Variants in PBX3 observed in about 807,000 individuals in gnomAD.
PBX3 encodes pre-B-cell leukemia transcription factor 3.
Under a neutral mutation model 48.5 loss-of-function variants are expected in PBX3, and 14 were observed. That is an observed-to-expected ratio of 0.29 (90% CI 0.19 to 0.45). The LOEUF is 0.45. Among genes scored for constraint, PBX3 ranks in the 20% least tolerant of loss-of-function variants. The pLI is 1.00. For missense variants in PBX3, 386 were observed against 546.7 expected (o/e 0.71, Z 2.93); for synonymous variants, 210 against 200.3 (o/e 1.05, Z -0.41).
intron 2 of PBX3, among the ~76,000 whole-genome samples, chr9:125,883,173 T>C (rs570767522): frequency 2.0e-5 from 3 of 152,370 alleles, no homozygotes; most frequent in East Asian, 1.9e-4. Flanking sequence ...AAATGAATTC[T>C]AGTGTTTTAA....
chr9:125,936,712 C>T (rs538166895), intron 5 of PBX3, among the ~76,000 whole-genome samples: 65 of 152,196 alleles, frequency 4.3e-4, no homozygotes, highest in Non-Finnish European at 7.2e-4. Context: ...TGATTCATAA[C>T]TAAGGTTTCA....
chr9:125,792,829 G>C (rs933640517), intron 2 of PBX3, among the ~76,000 whole-genome samples: 9 of 151,294 alleles, frequency 5.9e-5, no homozygotes, highest in Admixed American at 5.3e-4. Context: ...CTCCCGAGTA[G>C]CTGGGACTAC....
At chr9:125,846,806 C>T (rs1277221131) in intron 2 of PBX3, among the ~76,000 whole-genome samples, 1 of 151,824 alleles carries the variant, frequency 6.6e-6, no homozygotes. Context: ...ATCATATATC[C>T]AAATTGTTTG....
In PBX3 at chr9:125,935,622, A is replaced by C. The variant is rs753860844; in HGVS notation, c.843+15A>C. The stretch of plus-strand genomic sequence containing the variant: ...CAGTGTCACAGGTGAGAAAGGACCC[A>C]TGGGTCTGTCTTGTTCCCTGTGGAG... On this transcript the variant is annotated intron_variant, in intron 5 of 8. Transcript: ENST00000373489. 6 of 1,613,358 alleles carry C rather than the reference A, an allele frequency of 3.7e-6. No homozygotes were observed. Among genetic ancestry groups the C allele is most frequent in the Admixed American group, 3.3e-5 (2 of 59,912 alleles).
intron 2 of PBX3, among the ~76,000 whole-genome samples, chr9:125,832,865 A>G (rs1329204026): frequency 6.6e-6 from 1 of 152,118 alleles, no homozygotes; most frequent in African/African-American, 2.4e-5. Flanking sequence ...GGCCACACCT[A>G]TCTATAATTC....
intron 2 of PBX3, among the ~76,000 whole-genome samples, chr9:125,909,743 C>T (rs1841159922): frequency 2.6e-5 from 4 of 152,116 alleles, no homozygotes; most frequent in African/African-American, 9.7e-5. Flanking sequence ...TGGTTTTCCT[C>T]TTCTCATTTA....
intron 2 of PBX3, among the ~76,000 whole-genome samples, chr9:125,848,024 A>T (rs971259946): frequency 2.6e-5 from 4 of 152,026 alleles, no homozygotes; most frequent in African/African-American, 9.7e-5. Flanking sequence ...ACCTAGAGTC[A>T]TTGCTAGGTC....
At chr9:125,894,900 G>T (rs1840735183) in intron 2 of PBX3, among the ~76,000 whole-genome samples, 1 of 152,064 alleles carries the variant, frequency 6.6e-6, no homozygotes, top group South Asian at 2.1e-4. Context: ...TGTGAAAATG[G>T]ACTTTGCTAG....
chr9:125,819,332 G>C (rs10986951), intron 2 of PBX3, among the ~76,000 whole-genome samples: 3,027 of 151,914 alleles, frequency 0.02, 168 homozygotes, highest in East Asian at 0.17. Flanking sequence ...AGTGAGACCA[G>C]CCTGACCAAC....
intron 2 of PBX3, among the ~76,000 whole-genome samples, chr9:125,913,138 T>C (rs759040451): frequency 1.7e-4 from 26 of 152,148 alleles, no homozygotes; most frequent in Non-Finnish European, 3.5e-4. Context: ...CCTTTATTAT[T>C]GATAGTCTTC....
At chr9:125,865,068 A>G (rs1252104437) in intron 2 of PBX3, among the ~76,000 whole-genome samples, 3 of 152,242 alleles carry the variant, frequency 2.0e-5, no homozygotes, top group African/African-American at 4.8e-5. Context: ...CTTCCTATGT[A>G]TTCATCCACA....
intron 2 of PBX3, among the ~76,000 whole-genome samples, chr9:125,847,520 G>A (rs1192863523): frequency 6.6e-6 from 1 of 151,922 alleles, no homozygotes; most frequent in Non-Finnish European, 1.5e-5. Context: ...TAGTAAAATA[G>A]TAGTAGTAAA....
At chr9:125,904,803 A>G (rs1841032141) in intron 2 of PBX3, among the ~76,000 whole-genome samples, 1 of 151,896 alleles carries the variant, frequency 6.6e-6, no homozygotes, top group South Asian at 2.1e-4. Context: ...GCCTGTGTGA[A>G]GAGGAAGAGG....
At chr9:125,757,330 T>C (rs771869119) in intron 2 of PBX3, among the ~76,000 whole-genome samples, 9 of 152,038 alleles carry the variant, frequency 5.9e-5, no homozygotes, top group Non-Finnish European at 1.2e-4. Flanking sequence ...TAGTCAGATA[T>C]ATCATTTTCA....
chr9:125,954,322 T>TTA (rs1315736708), intron 5 of PBX3, among the ~76,000 whole-genome samples: 14 of 152,338 alleles, frequency 9.2e-5, no homozygotes, highest in Non-Finnish European at 1.6e-4. Flanking sequence ...CTAACTATAA[T>TTA]GATGGTTTAG....
intron 2 of PBX3, among the ~76,000 whole-genome samples, chr9:125,905,942 A>G (rs769090882): frequency 1.3e-5 from 2 of 151,910 alleles, no homozygotes; most frequent in Non-Finnish European, 2.9e-5. Context: ...CATGGTTTTT[A>G]ATGGAAGAGA....
rs778008551 is a variant in PBX3 at position 125,747,468 on chromosome 9, C to T, written c.15C>T (p.Ser5=). The change falls in exon 1 of 9, where the codon TCC becomes TCT. Residue 5 remains serine, a synonymous_variant. Transcript: ENST00000373489. MDDQ[S]RMLQTLAGVN... ...CGCGCGGCGGGATGGACGATCAATC[C>T]AGGATGCTGCAGACTCTGGCCGGGG... The T allele has an allele frequency of 1.3e-4, 208 of 1,566,738 alleles. No individual in the cohort carries two copies. Among genetic ancestry groups the T allele is most frequent in the Non-Finnish European group, 1.7e-4 (192 of 1,158,578 alleles).
At chr9:125,831,354 G>A (rs543428003) in intron 2 of PBX3, among the ~76,000 whole-genome samples, 7 of 151,818 alleles carry the variant, frequency 4.6e-5, no homozygotes, top group African/African-American at 1.7e-4. Flanking sequence ...ATGACCCAGT[G>A]CCTGGATTAC....
chr9:125,914,547 G>A (rs1320547794), intron 2 of PBX3, among the ~76,000 whole-genome samples: 1 of 150,330 alleles, frequency 6.7e-6, no homozygotes, highest in Non-Finnish European at 1.5e-5. Context: ...TAGATGTTAT[G>A]TCATGTAAGT....
Sources: allele counts gnomAD v4.1 joint callset (sites outside exome capture counted in the v4.1 genomes callset), GRCh38; gene constraint gnomAD v4.1.1; transcripts MANE v1.5; gene names NCBI Gene and HGNC (gene_info 2026-07-23, HGNC 2026-07-21).